The following DSEL variants were observed in gnomAD, a reference collection of about 807,000 sequenced individuals.
DSEL encodes the protein dermatan-sulfate epimerase-like protein.
Under a neutral mutation model 96.6 loss-of-function variants are expected in DSEL, and 61 were observed. The observed-to-expected ratio is 0.63, with a 90% CI of 0.51 to 0.78. The LOEUF is 0.78. Ranked by LOEUF, DSEL falls within the 30% of genes least tolerant of loss-of-function variation. The probability of loss-of-function intolerance (pLI) is 0.00; values close to 1 mark genes in which losing one functional copy is unlikely to be tolerated. For synonymous variants in DSEL, 514 were observed against 502.0 expected (o/e 1.02, Z -0.32); for missense variants, 1,320 against 1,430.8 (o/e 0.92, Z 1.25).
Position 67,511,151 on chromosome 18 carries a change from C to G in DSEL, c.3458G>C (p.Ser1153Thr). Reference protein sequence around the residue: ...AFLGIPLSPASLNQILFATST... With the variant: ...AFLGIPLSPATLNQILFATST... ...GGTGGCAAACAATATTTGGTTTAAA[C>G]TAGCAGGAGACAAAGGAATTCCAAG... The change falls in exon 2 of 2, where the codon AGT (serine) becomes ACT (threonine). Residue 1153 changes from serine (S) to threonine (T), a missense_variant. Around this residue, in one of 3 missense-constraint regions of DSEL, gnomAD observed 986 missense variants for 1,066.4 expected, o/e 0.92. Coordinates refer to ENST00000310045, the MANE Select transcript of DSEL (RefSeq NM_032160.3). 6.2e-7 allele frequency: 1 copy of G among 1,614,114 alleles called. No individual in the cohort carries two copies. Among genetic ancestry groups the G allele is most frequent in the Non-Finnish European group, 8.5e-7 (1 of 1,179,996 alleles).
chr18:67,514,476 G>T lies in DSEL; in HGVS notation c.133C>A (p.Gln45Lys). 1.2e-6 allele frequency: 2 copies of T among 1,614,096 alleles called. No homozygotes were observed. The highest frequency in any genetic ancestry group is 1.7e-6 in the Non-Finnish European group (2 of 1,180,014). The change falls in exon 2 of 2, where the codon CAG (glutamine) becomes AAG (lysine). Residue 45 changes from glutamine to lysine, a missense_variant. By Grantham distance (53) the Gln-to-Lys change is moderately conservative. Coordinates refer to ENST00000310045, the MANE Select transcript of DSEL (RefSeq NM_032160.3). ...TTGGGTCTGAAATCTTGCACTTTCT[G>T]TGTTTTAAACTGATCTATATCATCT... The part of the protein sequence containing the change: ...FTDDIDQFKT[Q>K]KVQDFRPNQK...
In DSEL at chr18:67,514,449, G is replaced by T. The variant is rs758345733; in HGVS notation, c.160C>A (p.Gln54Lys). ...TQKVQDFRPNQKLKKSMLHPS... is the reference protein window; with the variant it reads ...TQKVQDFRPNKKLKKSMLHPS... The stretch of plus-strand genomic sequence containing the variant: ...TGAAGCATACTTTTCTTCAGCTTTT[G>T]GTTGGGTCTGAAATCTTGCACTTTC... Residue 54 changes from glutamine (Q) to lysine (K), a missense_variant, in exon 2 of 2, where the codon CAA becomes AAA. Transcript: ENST00000310045. The T allele has an allele frequency of 1.9e-6, 3 of 1,613,952 alleles. No individual in the cohort carries two copies. Among genetic ancestry groups the T allele is most frequent in the African/African-American group, 2.7e-5 (2 of 74,912 alleles).
rs1301857462 is a variant in DSEL at position 67,509,946 on chromosome 18, A to T, written c.*1024T>A. On this transcript the variant is annotated 3_prime_UTR_variant, in exon 2 of 2. Transcript: ENST00000310045. ...GCAGTCTGTAAACTCATTCAAAGGGATGCAAGATAAGTCAGGCAGTTTTCC... is the reference window on the plus strand; with the variant it reads ...GCAGTCTGTAAACTCATTCAAAGGGTTGCAAGATAAGTCAGGCAGTTTTCC... 3 of 152,672 alleles carry T rather than the reference A, an allele frequency of 2.0e-5. No homozygotes were observed. The highest frequency in any genetic ancestry group is 4.4e-5 in the Non-Finnish European group (3 of 68,046). 9.5% of individuals were successfully genotyped at this position (152,672 alleles called of 1,614,324 possible). A position where few individuals can be genotyped will look rare whatever the true frequency, so the allele number is the denominator to read the frequency against.
Position 67,512,433 on chromosome 18 carries a change from T to A in DSEL, c.2176A>T (p.Thr726Ser). 1.2e-6 allele frequency: 2 copies of A among 1,614,176 alleles called. No homozygotes were observed. The highest frequency in any genetic ancestry group is 1.7e-6 in the Non-Finnish European group (2 of 1,180,036). The change falls in exon 2 of 2, where the codon ACA becomes TCA. Residue 726 changes from threonine (T) to serine (S), a missense_variant. Thr to Ser is a moderately conservative substitution (Grantham distance 58). Around this residue, in one of 3 missense-constraint regions of DSEL, gnomAD observed 986 missense variants for 1,066.4 expected, o/e 0.92. Coordinates refer to ENST00000310045, the MANE Select transcript of DSEL (RefSeq NM_032160.3). Reference sequence around the variant, plus strand: ...CCGAATCCCAGATAATTGAATCTTGTCTTCAGGTTATGGTAATCAGTTACA... The same window carrying A: ...CCGAATCCCAGATAATTGAATCTTGACTTCAGGTTATGGTAATCAGTTACA... ...SIVTDYHNLK[T>S]RFNYLGFGGF...
Position 67,514,438 on chromosome 18 carries a change from C to T in DSEL, c.171G>A (p.Lys57=), listed in dbSNP as rs1287197766. 2 of 1,613,980 alleles carry T rather than the reference C, an allele frequency of 1.2e-6. No homozygotes were observed. The highest frequency in any genetic ancestry group is 2.2e-5 in the South Asian group (2 of 91,078). ...VQDFRPNQKL[K]KSMLHPSLYF... is the part of the protein sequence containing the mutation. ...ATAAACTTGGATGAAGCATACTTTTCTTCAGCTTTTGGTTGGGTCTGAAAT... is the reference window on the plus strand; with the variant it reads ...ATAAACTTGGATGAAGCATACTTTTTTTCAGCTTTTGGTTGGGTCTGAAAT... Residue 57 remains lysine, a synonymous_variant, in exon 2 of 2, where the codon AAG becomes AAA. Transcript: ENST00000310045.
Position 67,512,609 on chromosome 18 carries a change from A to G in DSEL, c.2000T>C (p.Val667Ala). ...FKKRWTQFVN[V>A]TFQMEPTITR... is the part of the protein sequence containing the mutation. ...GATTGTGGGTTCCATCTGAAAAGTAACATTAACAAATTGAGTCCATCGTTT... is the reference window on the plus strand; with the variant it reads ...GATTGTGGGTTCCATCTGAAAAGTAGCATTAACAAATTGAGTCCATCGTTT... The change falls in exon 2 of 2, where the codon GTT becomes GCT. Residue 667 changes from valine (V) to alanine (A), a missense_variant. This residue lies in a region of DSEL where 986 missense variants were observed against 1,066.4 expected (regional missense o/e 0.92). Transcript: ENST00000310045. 1.2e-6 allele frequency: 2 copies of G among 1,614,140 alleles called. No individual in the cohort carries two copies. The highest frequency in any genetic ancestry group is 1.7e-6 in the Non-Finnish European group (2 of 1,180,008).
At position 67,511,069 on chromosome 18, in the gene DSEL, A is replaced by T. The variant is rs1342792740; in HGVS notation, c.3540T>A (p.Asn1180Lys). 1 of 1,613,878 alleles carries T rather than the reference A, an allele frequency of 6.2e-7. No homozygotes were observed. Among genetic ancestry groups the T allele is most frequent in the Non-Finnish European group, 8.5e-7 (1 of 1,179,950 alleles). Residue 1180 changes from asparagine (N) to lysine (K), a missense_variant, in exon 2 of 2, where the codon AAT becomes AAA. By Grantham distance (94) the Asn-to-Lys change is moderately conservative. This residue lies in a region of DSEL where 986 missense variants were observed against 1,066.4 expected (regional missense o/e 0.92). Transcript: ENST00000310045. ...CTCTAGGCAAGTTCTGTTTCCAAACATTAGTATTAGTTGGTGATATTTCCC... is the reference window on the plus strand; with the variant it reads ...CTCTAGGCAAGTTCTGTTTCCAAACTTTAGTATTAGTTGGTGATATTTCCC... Reference protein sequence around the residue: ...YEGEISPTNTNVWKQNLPRDE... With the variant: ...YEGEISPTNTKVWKQNLPRDE...
At position 67,507,845 on chromosome 18, in the gene DSEL, T is replaced by G. The variant is rs577717535; in HGVS notation, c.*3125A>C. On this transcript the variant is annotated 3_prime_UTR_variant, in exon 2 of 2. Transcript: ENST00000310045. ...AAATTTTAAATTAAATTCTACAAAC[T>G]AAATCTATGCAGATTTAGCTTCTTT... 6.6e-6 allele frequency: 1 copy of G among 152,352 alleles called. No individual in the cohort carries two copies. The highest frequency in any genetic ancestry group is 1.5e-5 in the Non-Finnish European group (1 of 68,030). 9.4% of individuals were successfully genotyped at this position (152,352 alleles called of 1,614,324 possible).
chr18:67,512,163 G>T lies in DSEL; in HGVS notation c.2446C>A (p.Leu816Ile), dbSNP rs200277299. 1 of 1,614,110 alleles carries T rather than the reference G, an allele frequency of 6.2e-7. No homozygotes were observed. The highest frequency in any genetic ancestry group is 1.3e-5 in the African/African-American group (1 of 75,028). Residue 816 changes from leucine to isoleucine, a missense_variant, in exon 2 of 2, where the codon CTT (leucine) becomes ATT (isoleucine). Physicochemically the swap from Leu to Ile is conservative, Grantham distance 5. Around this residue, in one of 3 missense-constraint regions of DSEL, gnomAD observed 986 missense variants for 1,066.4 expected, o/e 0.92. Coordinates refer to ENST00000310045, the MANE Select transcript of DSEL (RefSeq NM_032160.3). ...ILVIALWFIELLDVWSTCSQP... is the reference protein window; with the variant it reads ...ILVIALWFIEILDVWSTCSQP... ...CTACAAGTGCTCCACACATCCAAAA[G>T]CTCAATAAACCACAAGGCAATAACA...
At position 67,513,951 on chromosome 18, in the gene DSEL, G is replaced by A. The variant is rs1478896104; in HGVS notation, c.658C>T (p.Leu220Phe). 4.3e-6 allele frequency: 7 copies of A among 1,614,178 alleles called. No homozygotes were observed. Among genetic ancestry groups the A allele is most frequent in the South Asian group, 1.1e-5 (1 of 91,088 alleles). The change falls in exon 2 of 2, where the codon CTT (leucine) becomes TTT (phenylalanine). Residue 220 changes from leucine to phenylalanine, a missense_variant. By Grantham distance (22) the Leu-to-Phe change is conservative. This residue lies in a region of DSEL where 323 missense variants were observed against 333.1 expected (regional missense o/e 0.97). Transcript: ENST00000310045. ...YSKVRSWGKQ[L>F]LHNHQATNMI... is the part of the protein sequence containing the mutation. ...TTAGTGGCTTGGTGGTTATGGAGAAGCTGTTTGCCCCATGAGCGGACCTTG... is the reference window on the plus strand; with the variant it reads ...TTAGTGGCTTGGTGGTTATGGAGAAACTGTTTGCCCCATGAGCGGACCTTG...
At position 67,515,064 on chromosome 18, in the gene DSEL, T is replaced by A. The variant is rs2089467986; in HGVS notation, c.-456A>T. ...ACTGGTGATAAGCTCACCACACATG[T>A]ATGATGCATTTGTGTATGTTTGCCC... On this transcript the variant is annotated 5_prime_UTR_variant, in exon 2 of 2. Coordinates refer to ENST00000310045, the MANE Select transcript of DSEL (RefSeq NM_032160.3). 1 of 177,082 alleles carries A rather than the reference T, an allele frequency of 5.6e-6. No individual in the cohort carries two copies. The highest frequency in any genetic ancestry group is 6.3e-5 in the Admixed American group (1 of 15,960). 11.0% of individuals were successfully genotyped at this position (177,082 alleles called of 1,614,324 possible).
rs1352670890 is a variant in DSEL at position 67,516,221 on chromosome 18, T to A, written c.-885+140A>T. 1 of 152,320 alleles carries A rather than the reference T, an allele frequency of 6.6e-6. No individual in the cohort carries two copies. Among genetic ancestry groups the A allele is most frequent in the Non-Finnish European group, 1.5e-5 (1 of 68,120 alleles). The allele number at this position is 152,320 out of a possible 1,614,324, so 9.4% of individuals were successfully genotyped here. On this transcript the variant is annotated intron_variant, in intron 1 of 1. Coordinates refer to ENST00000310045, the MANE Select transcript of DSEL (RefSeq NM_032160.3). This position sits in a 1 kb window ranked among gnomAD's most constrained non-coding sequence, Gnocchi z 5.6. The stretch of plus-strand genomic sequence containing the variant: ...TCCCCTCTGTAGGAAACATTCAGGC[T>A]AGGAGTTTCCTGATCCGCCCCGCCT...
Position 67,514,062 on chromosome 18 carries a change from A to T in DSEL, c.547T>A (p.Phe183Ile), listed in dbSNP as rs769859745. The T allele has an allele frequency of 6.2e-7, 1 of 1,614,160 alleles. No individual in the cohort carries two copies. The highest frequency in any genetic ancestry group is 8.5e-7 in the Non-Finnish European group (1 of 1,180,028). Residue 183 changes from phenylalanine to isoleucine, a missense_variant, in exon 2 of 2, where the codon TTT (phenylalanine) becomes ATT (isoleucine). Coordinates refer to ENST00000310045, the MANE Select transcript of DSEL (RefSeq NM_032160.3). ...TGATTATCTAATAAGTTATATAAAA[A>T]GTCAAAGGCAGTGGCAAAACCTGTT... ...SLTGFATAFD[F>I]LYNLLDNHRR...
chr18:67,515,983 C>T (rs766168265), intron 1 of DSEL, among the ~76,000 whole-genome samples: 49 of 150,298 alleles, frequency 3.3e-4, no homozygotes, highest in Non-Finnish European at 6.5e-4. Context: ...GAGAACTACT[C>T]GGACCAGTCA....
At position 67,508,480 on chromosome 18, in the gene DSEL, C is replaced by G. The variant is rs2089422532; in HGVS notation, c.*2490G>C. On this transcript the variant is annotated 3_prime_UTR_variant, in exon 2 of 2. Transcript: ENST00000310045. ...GTAGGGTTCATGTCTAAAATTTTCC[C>G]TTGGGGTGGGAGTAGGTGAGTACAG... is the stretch of plus-strand genomic sequence containing the variant. 6.6e-6 allele frequency: 1 copy of G among 152,078 alleles called. No homozygotes were observed. The highest frequency in any genetic ancestry group is 1.5e-5 in the Non-Finnish European group (1 of 68,010). 9.4% of individuals were successfully genotyped at this position (152,078 alleles called of 1,614,324 possible).
Position 67,512,470 on chromosome 18 carries a change from A to G in DSEL, c.2139T>C (p.His713=), listed in dbSNP as rs1356217907. Residue 713 remains histidine, a synonymous_variant, in exon 2 of 2, where the codon CAT becomes CAC. Coordinates refer to ENST00000310045, the MANE Select transcript of DSEL (RefSeq NM_032160.3). The stretch of plus-strand genomic sequence containing the variant: ...GGTAATCAGTTACAATAGAAACAAC[A>G]TGTTCAGTATTATTGACATTGAGAG... ...QISLNVNNTE[H]VVSIVTDYHN... The G allele has an allele frequency of 3.1e-6, 5 of 1,614,168 alleles. No individual in the cohort carries two copies. The East Asian group carries it at 1.1e-4, about 36-fold the overall frequency.
At position 67,512,040 on chromosome 18, in the gene DSEL, TGAC is replaced by T. The variant is rs1568244704; in HGVS notation, c.2566_2568del (p.Val856del). 1 of 1,614,084 alleles carries T rather than the reference TGAC, an allele frequency of 6.2e-7. No homozygotes were observed. The highest frequency in any genetic ancestry group is 8.5e-7 in the Non-Finnish European group (1 of 1,180,024). ...GCTCCTGAACCAGGAAGTGAGGTAA[TGAC>T]AACATCAGGAAGATCCATGTGGTGC... On this transcript the variant is annotated inframe_deletion, in exon 2 of 2. Coordinates refer to ENST00000310045, the MANE Select transcript of DSEL (RefSeq NM_032160.3).
In DSEL at chr18:67,512,336, G is replaced by A. The variant is rs2089448264; in HGVS notation, c.2273C>T (p.Pro758Leu). 3 of 1,614,140 alleles carry A rather than the reference G, an allele frequency of 1.9e-6. No individual in the cohort carries two copies. The highest frequency in any genetic ancestry group is 1.7e-5 in the Admixed American group (1 of 60,030). ...GAAAATAATCCTATCATGTCTTACA[G>A]GCTTTACTATTGCTTGAGTGCCCAA... ...FGLGTQAIVK[P>L]VRHDRIIFPF... is the part of the protein sequence containing the mutation. Residue 758 changes from proline (P) to leucine (L), a missense_variant, in exon 2 of 2, where the codon CCT (proline) becomes CTT (leucine). Physicochemically the swap from Pro to Leu is moderately conservative, Grantham distance 98. Coordinates refer to ENST00000310045, the MANE Select transcript of DSEL (RefSeq NM_032160.3).
rs1170343860 is a variant in DSEL, at chr18:67,511,744, C to T, written c.2865G>A (p.Lys955=). 2 of 1,613,900 alleles carry T rather than the reference C, an allele frequency of 1.2e-6. No individual in the cohort carries two copies. The highest frequency in any genetic ancestry group is 1.7e-6 in the Non-Finnish European group (2 of 1,179,980). The change falls in exon 2 of 2, where the codon AAG becomes AAA. Residue 955 remains lysine (K), a synonymous_variant. Transcript: ENST00000310045. ...GKLAQYFAMN[K]DKKRKFKRRE... ...TCCTTTTAAATTTTCTTTTTTTGTCCTTATTCATTGCAAAATATTGGGCCA... is the reference window on the plus strand; with the variant it reads ...TCCTTTTAAATTTTCTTTTTTTGTCTTTATTCATTGCAAAATATTGGGCCA...
Sources: gnomAD v4.1 joint callset for allele counts (sites outside exome capture counted in the v4.1 genomes callset) on GRCh38, gnomAD v4.1.1 for gene constraint, gnomAD v4.1.1 regional missense constraint, Gnocchi (gnomAD v3.1) non-coding constraint, MANE v1.5 for transcripts, NCBI Gene and HGNC (gene_info 2026-07-23, HGNC 2026-07-21) for gene names.